Variants in SHANK2 observed in about 807,000 individuals in gnomAD.
SHANK2 encodes the protein SH3 and multiple ankyrin repeat domains protein 2.
SHANK2 carries 43 observed loss-of-function variants against 133.7 expected under a neutral mutation model. The ratio of observed to expected loss-of-function variants is 0.32; its 90% CI spans 0.25 to 0.41. SHANK2 has a LOEUF of 0.41. Among genes scored for constraint, SHANK2 ranks in the 10% least tolerant of loss-of-function variants. The pLI, the probability that SHANK2 is intolerant of heterozygous loss-of-function variation, is 1.00. For missense variants in SHANK2, 1,994 were observed against 2,235.8 expected, an observed-to-expected ratio of 0.89 and a Z score of 2.18; for synonymous variants, 1,017 against 952.8, an observed-to-expected ratio of 1.07 and a Z score of -1.24.
intron 17 of SHANK2, among the ~76,000 whole-genome samples, chr11:70,616,730 A>T (rs888526162): frequency 2.0e-5 from 3 of 152,132 alleles, no homozygotes; most frequent in Non-Finnish European, 2.9e-5. Flanking sequence ...GGAGTGCCAG[A>T]AGGGAGTACT....
intron 17 of SHANK2, among the ~76,000 whole-genome samples, chr11:70,659,594 C>A (rs553472286): frequency 6.6e-6 from 1 of 152,278 alleles, no homozygotes; most frequent in Admixed American, 6.5e-5. Context: ...TGACCAAATT[C>A]CACAGACTTT....
chr11:70,614,895 G>A (rs768579702), intron 17 of SHANK2, among the ~76,000 whole-genome samples: 4 of 152,236 alleles, frequency 2.6e-5, no homozygotes, highest in Admixed American at 6.5e-5. Flanking sequence ...CCGTGTTAGA[G>A]GTTTCTGGAG....
chr11:71,109,085 A>C (rs1431437171), intron 6 of SHANK2, among the ~76,000 whole-genome samples: 2 of 152,250 alleles, frequency 1.3e-5, no homozygotes, highest in Admixed American at 1.3e-4. Context: ...TGCAGGGGCC[A>C]GAAGCAGGGC....
At chr11:70,641,031 C>T (rs545011616) in intron 17 of SHANK2, among the ~76,000 whole-genome samples, 13 of 152,078 alleles carry the variant, frequency 8.5e-5, no homozygotes, top group Middle Eastern at 3.4e-3. Flanking sequence ...AACAATAGAT[C>T]GTGTACAGAA....
intron 24 of SHANK2, chr11:70,488,879 T>A (rs782039493): frequency 5.3e-6 from 1 of 188,662 alleles, no homozygotes; most frequent in Non-Finnish European, 1.1e-5. Context: ...GAGGGTTCTC[T>A]GGGTGTGTTG....
intron 14 of SHANK2, among the ~76,000 whole-genome samples, chr11:70,715,772 T>C (rs1294648223): frequency 6.6e-6 from 1 of 152,194 alleles, no homozygotes; most frequent in Non-Finnish European, 1.5e-5. Flanking sequence ...GTTTCCAGAA[T>C]GGCTCTCTCT....
intron 11 of SHANK2, among the ~76,000 whole-genome samples, chr11:70,858,240 C>T (rs574204091): frequency 9.2e-5 from 14 of 152,368 alleles, no homozygotes; most frequent in African/African-American, 3.4e-4. Flanking sequence ...TCAAAATTCA[C>T]TGCCATGTTC....
Position 71,071,325 on chromosome 11 carries a change from C to T in SHANK2, c.1029+3834G>A, listed in dbSNP as rs1378897169. Reference sequence around the variant, plus strand: ...TAGGGACACAGCTGCATACAAACTACATCAATGTGCTTTCTTTGAGTGGGG... The same window carrying T: ...TAGGGACACAGCTGCATACAAACTATATCAATGTGCTTTCTTTGAGTGGGG... On this transcript the variant is annotated intron_variant, in intron 9 of 25. Coordinates refer to ENST00000601538, the MANE Select transcript of SHANK2 (RefSeq NM_012309.5). Among the ~76,000 whole-genome samples the T allele has an allele frequency of 2.6e-5, 4 of 152,362 alleles. No homozygotes were observed. In the East Asian group the frequency reaches 7.7e-4, roughly 29 times the overall value.
intron 10 of SHANK2, among the ~76,000 whole-genome samples, chr11:70,912,112 AAAAGAAAG>A (rs1565401416): frequency 2.6e-5 from 3 of 114,986 alleles, no homozygotes; most frequent in African/African-American, 1.1e-4. Context: ...AAAAAAAAAA[AAAAGAAAG>A]AAAGAAAGAA....
chr11:70,699,624 A>T (rs1369169826), intron 14 of SHANK2, among the ~76,000 whole-genome samples: 1 of 152,232 alleles, frequency 6.6e-6, no homozygotes, highest in African/African-American at 2.4e-5. Flanking sequence ...TCTGAGGTGA[A>T]ATCATTTTTT....
chr11:71,141,481 C>T (rs1590951769), intron 3 of SHANK2, among the ~76,000 whole-genome samples: 1 of 152,230 alleles, frequency 6.6e-6, no homozygotes, highest in South Asian at 2.1e-4. Flanking sequence ...GCACTCCAGC[C>T]TGGGCAAGAG....
In SHANK2 at chr11:70,471,362, A is replaced by G. The variant is rs1039703110; in HGVS notation, c.*1507T>C. On this transcript the variant is annotated 3_prime_UTR_variant, in exon 26 of 26. Transcript: ENST00000601538. The surrounding 1 kb of genome is among the most constrained non-coding windows in gnomAD (Gnocchi z 4.1). ...AAAACCTGACATTCGAGTATCCTCC[A>G]AATGGGGGAGAATGTGCTGGAAGCC... The G allele has an allele frequency of 5.0e-6, 2 of 399,024 alleles. No homozygotes were observed. Among genetic ancestry groups the G allele is most frequent in the Middle Eastern group, 6.3e-4 (1 of 1,588 alleles). The allele number at this position is 399,024 out of a possible 1,614,324, so 24.7% of individuals were successfully genotyped here.
chr11:71,206,964 T>C (rs1954138728), intron 2 of SHANK2, among the ~76,000 whole-genome samples: 1 of 152,012 alleles, frequency 6.6e-6, no homozygotes, highest in South Asian at 2.1e-4. Context: ...TGCATGCCTG[T>C]AGTCCCAGCT....
At chr11:71,238,521 C>T (rs1954850856) in intron 1 of SHANK2, among the ~76,000 whole-genome samples, 1 of 152,244 alleles carries the variant, frequency 6.6e-6, no homozygotes, top group Admixed American at 6.5e-5. Context: ...CTCTGCACCG[C>T]AACGTACCAC....
chr11:70,552,491 C>T (rs781878554), intron 17 of SHANK2, among the ~76,000 whole-genome samples: 2 of 152,190 alleles, frequency 1.3e-5, no homozygotes, highest in Non-Finnish European at 2.9e-5. Flanking sequence ...CAACAGCAAG[C>T]GATTAACTCT....
chr11:70,784,343 G>GGTTTTT (rs1947591983), intron 14 of SHANK2, among the ~76,000 whole-genome samples: 1 of 42,846 alleles, frequency 2.3e-5, no homozygotes, highest in African/African-American at 7.9e-5. Context: ...ACACCGGCTA[G>GGTTTTT]TTTTTTTTTT....
intron 11 of SHANK2, among the ~76,000 whole-genome samples, chr11:70,838,719 T>C (rs2921340): frequency 0.62 from 94,088 of 151,942 alleles, 29,719 homozygotes; most frequent in South Asian, 0.77. Context: ...TTCCACTGAG[T>C]CCCTGGACTC....
At chr11:71,150,692 G>A (rs1475964198) in intron 2 of SHANK2, among the ~76,000 whole-genome samples, 1 of 152,004 alleles carries the variant, frequency 6.6e-6, no homozygotes, top group Non-Finnish European at 1.5e-5. Context: ...GCCATGCCAT[G>A]GTCCACAGTT....
At chr11:70,878,097 C>T (rs1949598563) in intron 11 of SHANK2, among the ~76,000 whole-genome samples, 3 of 152,190 alleles carry the variant, frequency 2.0e-5, no homozygotes, top group Admixed American at 2.0e-4. Flanking sequence ...ACTGGGGGTC[C>T]CAGACACAGG....
Sources: allele counts gnomAD v4.1 joint callset (sites outside exome capture counted in the v4.1 genomes callset), GRCh38; gene constraint gnomAD v4.1.1; non-coding constraint Gnocchi (gnomAD v3.1); transcripts MANE v1.5; gene names NCBI Gene and HGNC (gene_info 2026-07-23, HGNC 2026-07-21).